The following ITPR2 variants were observed in gnomAD, a reference collection of about 807,000 sequenced individuals.
ITPR2 encodes the protein inositol 1,4,5-trisphosphate-gated calcium channel ITPR2.
A neutral mutation model predicts 317.1 loss-of-function variants in ITPR2; 207 were observed. The observed-to-expected ratio is 0.65, with a 90% confidence interval of 0.58 to 0.73. The LOEUF (loss-of-function observed/expected upper bound fraction) is 0.73. Ranked by LOEUF, ITPR2 falls within the 30% of genes least tolerant of loss-of-function variation. The pLI is 0.00. For missense variants in ITPR2, 2,613 were observed against 3,284.0 expected, an observed-to-expected ratio of 0.80 and a Z score of 4.99; for synonymous variants, 1,156 against 1,149.1, an observed-to-expected ratio of 1.01 and a Z score of -0.12.
At chr12:26,345,100 T>C (rs1938262639) in intron 55 of ITPR2, among the ~76,000 whole-genome samples, 1 of 152,190 alleles carries the variant, frequency 6.6e-6, no homozygotes, top group Non-Finnish European at 1.5e-5. Flanking sequence ...CATTTTAATA[T>C]TGAATATTTT....
intron 5 of ITPR2, among the ~76,000 whole-genome samples, chr12:26,716,701 C>T (rs1231678551): frequency 6.6e-6 from 1 of 152,166 alleles, no homozygotes; most frequent in East Asian, 1.9e-4. Context: ...TAAATTTGAT[C>T]TTCCCATAGT....
Position 26,831,066 on chromosome 12 carries a change from T to TCA in ITPR2, c.92+1622_92+1623dup, listed in dbSNP as rs538569130. Among the ~76,000 whole-genome samples, 7 of 151,852 alleles carry TCA rather than the reference T, an allele frequency of 4.6e-5. No homozygotes were observed. The highest frequency in any genetic ancestry group is 7.3e-5 in the African/African-American group (3 of 41,348). On this transcript the variant is annotated intron_variant, in intron 1 of 56. Coordinates refer to ENST00000381340, the MANE Select transcript of ITPR2 (RefSeq NM_002223.4). The surrounding 1 kb of genome is among the most constrained non-coding windows in gnomAD (Gnocchi z 4.9). ...GAACCCCCTCTGCTTAACTACTACATCACACACACACACCTGGAGAGTCTA... is the reference window on the plus strand; with the variant it reads ...GAACCCCCTCTGCTTAACTACTACATCACACACACACACACCTGGAGAGTCTA...
chr12:26,424,582 T>G (rs1940990072), intron 49 of ITPR2, among the ~76,000 whole-genome samples: 1 of 134,482 alleles, frequency 7.4e-6, no homozygotes, highest in Non-Finnish European at 1.5e-5. Flanking sequence ...TGTTTTCGTT[T>G]TGTGTTTTTT....
chr12:26,372,401 G>A (rs1181547572), intron 55 of ITPR2, among the ~76,000 whole-genome samples: 2 of 152,166 alleles, frequency 1.3e-5, no homozygotes, highest in Non-Finnish European at 2.9e-5. Context: ...CTGTCTGTTA[G>A]ATAATGCAAA....
At chr12:26,747,273 GA>G (rs1949339881) in intron 2 of ITPR2, among the ~76,000 whole-genome samples, 1 of 152,066 alleles carries the variant, frequency 6.6e-6, no homozygotes, top group Non-Finnish European at 1.5e-5. Context: ...TAAGAGCTCT[GA>G]AAATGCCGGT....
At chr12:26,812,218 T>C (rs1950764356) in intron 1 of ITPR2, among the ~76,000 whole-genome samples, 1 of 150,736 alleles carries the variant, frequency 6.6e-6, no homozygotes, top group Non-Finnish European at 1.5e-5. Flanking sequence ...CACTAAAATG[T>C]GTCATATGAT....
Position 26,771,495 on chromosome 12 carries a change from T to G in ITPR2, c.163+18662A>C, listed in dbSNP as rs7316382. Among the ~76,000 whole-genome samples the G allele has an allele frequency of 3.3e-5, 5 of 152,070 alleles. No individual in the cohort carries two copies. In the East Asian group the frequency reaches 9.7e-4, roughly 29 times the overall value. On this transcript the variant is annotated intron_variant, in intron 2 of 56. Coordinates refer to ENST00000381340, the MANE Select transcript of ITPR2 (RefSeq NM_002223.4). ...AAGTCATTGTGGGTTGTTTGTTTTT[T>G]GTTGTTGTTATTATTATTGTTTTTG...
chr12:26,772,470 T>TTATATATATAATATATA (rs5797198), intron 2 of ITPR2, among the ~76,000 whole-genome samples: 5 of 101,192 alleles, frequency 4.9e-5, no homozygotes, highest in Non-Finnish European at 6.7e-5. Flanking sequence ...AATACATGTA[T>TTATATATATAATATATA]TATATATAAT....
intron 45 of ITPR2, among the ~76,000 whole-genome samples, chr12:26,457,442 G>A (rs1941919662): frequency 6.6e-6 from 1 of 152,174 alleles, no homozygotes; most frequent in Admixed American, 6.5e-5. Context: ...CTTTTGCTGT[G>A]AAACTGGAAG....
At chr12:26,473,966 A>T (rs1942353011) in intron 45 of ITPR2, among the ~76,000 whole-genome samples, 1 of 152,246 alleles carries the variant, frequency 6.6e-6, no homozygotes, top group African/African-American at 2.4e-5. Flanking sequence ...ATTTTGATAC[A>T]TTATGAGAGA....
intron 48 of ITPR2, among the ~76,000 whole-genome samples, chr12:26,432,223 T>C (rs1036967081): frequency 2.9e-5 from 4 of 139,704 alleles, no homozygotes; most frequent in Non-Finnish European, 6.5e-5. Flanking sequence ...GATTCAGTTG[T>C]CACGTCTCTT....
At chr12:26,815,854 G>A (rs1448413728) in intron 1 of ITPR2, among the ~76,000 whole-genome samples, 1 of 152,144 alleles carries the variant, frequency 6.6e-6, no homozygotes, top group Non-Finnish European at 1.5e-5. Flanking sequence ...AGCACTTTGG[G>A]AGGCTGAGGC....
intron 10 of ITPR2, among the ~76,000 whole-genome samples, chr12:26,694,363 T>G (rs1331924352): frequency 6.6e-6 from 1 of 152,166 alleles, no homozygotes; most frequent in Admixed American, 6.5e-5. Context: ...TAGGTAAAAT[T>G]TATTAAGATA....
chr12:26,383,422 A>C (rs1939569766), intron 55 of ITPR2, among the ~76,000 whole-genome samples: 1 of 152,060 alleles, frequency 6.6e-6, no homozygotes, highest in Non-Finnish European at 1.5e-5. Flanking sequence ...GGAGGTGAAA[A>C]AATATACAGA....
intron 26 of ITPR2, among the ~76,000 whole-genome samples, chr12:26,608,402 G>C (rs975231703): frequency 9.9e-5 from 15 of 152,012 alleles, no homozygotes; most frequent in African/African-American, 3.4e-4. Context: ...GCCTCTCCCC[G>C]GGCCCCCCAC....
chr12:26,394,810 G>T (rs932562309), intron 54 of ITPR2, among the ~76,000 whole-genome samples: 1 of 152,174 alleles, frequency 6.6e-6, no homozygotes, highest in Non-Finnish European at 1.5e-5. Flanking sequence ...GGAATGTGTG[G>T]AAGGATGTGG....
At chr12:26,554,716 T>C (rs1944618735) in intron 36 of ITPR2, among the ~76,000 whole-genome samples, 2 of 152,196 alleles carry the variant, frequency 1.3e-5, no homozygotes, top group Non-Finnish European at 1.5e-5. Context: ...CCATATTCCA[T>C]ACACTGACAT....
In ITPR2 at chr12:26,808,297, G is replaced by T. The variant is rs182814857; in HGVS notation, c.93-18070C>A. Among the ~76,000 whole-genome samples, 1,065 of 152,168 alleles carry T rather than the reference G, an allele frequency of 7.0e-3. 17 individuals carry two copies. The highest frequency in any genetic ancestry group is 0.025 in the African/African-American group (1,023 of 41,504). ...ATGCAAACCATCCAGCTTCTATTTT[G>T]CTTATTTGGGTTTCTGTTCCTTTCA... On this transcript the variant is annotated intron_variant, in intron 1 of 56. Transcript: ENST00000381340.
intron 55 of ITPR2, among the ~76,000 whole-genome samples, chr12:26,342,011 G>A (rs1268806094): frequency 6.6e-6 from 1 of 152,206 alleles, no homozygotes. Context: ...ATCTGAAATA[G>A]GCATGTGGGG....
Sources: gnomAD v4.1 joint callset for allele counts (sites outside exome capture counted in the v4.1 genomes callset) on GRCh38, gnomAD v4.1.1 for gene constraint, Gnocchi (gnomAD v3.1) non-coding constraint, MANE v1.5 for transcripts, NCBI Gene and HGNC (gene_info 2026-07-23, HGNC 2026-07-21) for gene names.